RFX7: variants seen among roughly 807,000 people sequenced by gnomAD.
RFX7 encodes regulatory factor X7, also known as DNA-binding protein RFX7.
RFX7 carries 26 observed loss-of-function variants against 111.8 expected under a neutral mutation model. That is an observed-to-expected ratio of 0.23 (90% confidence interval 0.17 to 0.32). RFX7 has a LOEUF of 0.32. Ranked by LOEUF, RFX7 falls within the 10% of genes least tolerant of loss-of-function variation. The pLI, the probability that RFX7 is intolerant of heterozygous loss-of-function variation, is 1.00. For synonymous variants in RFX7, 624 were observed against 624.4 expected, an observed-to-expected ratio of 1.00 and a Z score of 0.01; for missense variants, 1,573 against 1,772.9, an observed-to-expected ratio of 0.89 and a Z score of 2.02.
At chr15:56,238,167 A>G (rs1484197646) in intron 2 of RFX7, among the ~76,000 whole-genome samples, 2 of 152,198 alleles carry the variant, frequency 1.3e-5, no homozygotes, top group African/African-American at 4.8e-5. Flanking sequence ...ATAAAACTGA[A>G]CCACTGCATT....
intron 2 of RFX7, among the ~76,000 whole-genome samples, chr15:56,216,920 C>T (rs2043368203): frequency 2.0e-5 from 3 of 152,032 alleles, no homozygotes; most frequent in Admixed American, 2.0e-4. Flanking sequence ...TATAGAGTAG[C>T]AAGAATTACA....
At chr15:56,189,406 T>A (rs937429121) in intron 2 of RFX7, among the ~76,000 whole-genome samples, 12 of 151,112 alleles carry the variant, frequency 7.9e-5, no homozygotes, top group Non-Finnish European at 1.6e-4. Flanking sequence ...TCAGACCCCA[T>A]CGAAATAAGA....
At chr15:56,177,516 T>G (rs1003747211) in intron 3 of RFX7, among the ~76,000 whole-genome samples, 1 of 152,174 alleles carries the variant, frequency 6.6e-6, no homozygotes, top group Non-Finnish European at 1.5e-5. Flanking sequence ...GAGTAAAAAT[T>G]TACATATATT....
intron 5 of RFX7, among the ~76,000 whole-genome samples, chr15:56,104,072 A>G (rs2041796858): frequency 6.6e-6 from 1 of 152,172 alleles, no homozygotes; most frequent in Non-Finnish European, 1.5e-5. Flanking sequence ...CAGAGATAAT[A>G]CTACTAGGTG....
chr15:56,244,970 G>C (rs2043812628), upstream of RFX7, among the ~76,000 whole-genome samples: 1 of 152,170 alleles, frequency 6.6e-6, no homozygotes, highest in African/African-American at 2.4e-5. Context: ...GCACCAAATG[G>C]AACAGCTGTT....
intron 2 of RFX7, among the ~76,000 whole-genome samples, chr15:56,182,486 A>C (rs1353921415): frequency 6.6e-6 from 1 of 152,192 alleles, no homozygotes; most frequent in Non-Finnish European, 1.5e-5. Context: ...ACTATCATTA[A>C]TCCAATATGT....
intron 5 of RFX7, among the ~76,000 whole-genome samples, chr15:56,114,856 T>TA (rs1297494159): frequency 1.1e-4 from 16 of 152,016 alleles, no homozygotes; most frequent in Admixed American, 2.0e-4. Context: ...AAATTGCTAA[T>TA]AAAAAAAATC....
At chr15:56,125,120 C>T (rs1255980197) in intron 5 of RFX7, among the ~76,000 whole-genome samples, 1 of 152,168 alleles carries the variant, frequency 6.6e-6, no homozygotes, top group African/African-American at 2.4e-5. Context: ...TGTCCTTTCC[C>T]CACTGAGTGT....
At chr15:56,117,269 G>C (rs1246111350) in intron 5 of RFX7, among the ~76,000 whole-genome samples, 2 of 152,122 alleles carry the variant, frequency 1.3e-5, no homozygotes, top group Non-Finnish European at 2.9e-5. Flanking sequence ...GATTTAAACT[G>C]GGCCTTAGAG....
Position 56,243,440 on chromosome 15 carries a change from T to G in RFX7, c.-3+5A>C. ...GGAAGGAAGCTGGATAAGCTAGGCC[T>G]TTACCCCAGGGCTCGAGTGAGTCGC... On this transcript the variant is annotated splice_donor_5th_base_variant and intron_variant, in intron 1 of 9. Transcript: ENST00000559447. 1 of 982,662 alleles carries G rather than the reference T, an allele frequency of 1.0e-6. No individual in the cohort carries two copies. The allele number at this position is 982,662 out of a possible 1,614,324, so 60.9% of individuals were successfully genotyped here.
chr15:56,107,839 A>C (rs1293006172), intron 5 of RFX7, among the ~76,000 whole-genome samples: 1 of 152,214 alleles, frequency 6.6e-6, no homozygotes, highest in Non-Finnish European at 1.5e-5. Flanking sequence ...AACAATAAAA[A>C]ATGATAATAA....
chr15:56,176,796 T>A (rs1007696587), intron 3 of RFX7, among the ~76,000 whole-genome samples: 5 of 152,038 alleles, frequency 3.3e-5, no homozygotes, highest in Non-Finnish European at 7.4e-5. Context: ...TAAATCCATC[T>A]ACTTACAAAA....
At chr15:56,185,522 CT>C (rs1382741300) in intron 2 of RFX7, among the ~76,000 whole-genome samples, 2 of 152,082 alleles carry the variant, frequency 1.3e-5, no homozygotes, top group Non-Finnish European at 2.9e-5. Context: ...ATTAATTTCT[CT>C]TTGGAAGTGT....
chr15:56,130,297 C>T (rs1301850995), intron 5 of RFX7, among the ~76,000 whole-genome samples: 1 of 152,022 alleles, frequency 6.6e-6, no homozygotes, highest in Non-Finnish European at 1.5e-5. Context: ...ATTTGTTAGA[C>T]TGAAAGTAAA....
At chr15:56,234,535 T>C (rs1318174844) in intron 2 of RFX7, among the ~76,000 whole-genome samples, 3 of 152,230 alleles carry the variant, frequency 2.0e-5, no homozygotes. Flanking sequence ...ATCTTATTAA[T>C]AGATGTAATG....
At chr15:56,214,206 T>C (rs2043340280) in intron 2 of RFX7, among the ~76,000 whole-genome samples, 1 of 152,214 alleles carries the variant, frequency 6.6e-6, no homozygotes, top group South Asian at 2.1e-4. Context: ...CCTTCTTCTT[T>C]AGGAGCACTT....
intron 5 of RFX7, among the ~76,000 whole-genome samples, chr15:56,121,341 G>T (rs2042076314): frequency 6.6e-6 from 1 of 152,160 alleles, no homozygotes; most frequent in Non-Finnish European, 1.5e-5. Context: ...CCACTGAAAA[G>T]TCTGCTGCCA....
intron 2 of RFX7, among the ~76,000 whole-genome samples, chr15:56,196,370 T>C (rs2043145727): frequency 6.6e-6 from 1 of 152,118 alleles, no homozygotes; most frequent in South Asian, 2.1e-4. Context: ...TTACTACAAA[T>C]GCTGACTATC....
chr15:56,134,965 T>C (rs2042277249), intron 5 of RFX7, among the ~76,000 whole-genome samples: 1 of 152,146 alleles, frequency 6.6e-6, no homozygotes, highest in African/African-American at 2.4e-5. Flanking sequence ...TATGGCTGCA[T>C]AGTATTCCAT....
Sources: allele counts gnomAD v4.1 joint callset (sites outside exome capture counted in the v4.1 genomes callset), GRCh38; gene constraint gnomAD v4.1.1; transcripts MANE v1.5; gene names NCBI Gene and HGNC (gene_info 2026-07-23, HGNC 2026-07-21).